GRIN2A: variants seen among roughly 807,000 people sequenced by gnomAD.
GRIN2A encodes the protein glutamate receptor ionotropic, NMDA 2A.
A neutral mutation model predicts 113.4 loss-of-function variants in GRIN2A; 22 were observed. That is an observed-to-expected ratio of 0.19 (90% confidence interval 0.14 to 0.28). The LOEUF (loss-of-function observed/expected upper bound fraction) is 0.28, where lower values mean the gene tolerates loss of function less well. Ranked by LOEUF, GRIN2A falls within the 10% of genes least tolerant of loss-of-function variation. The pLI is 1.00. For synonymous variants in GRIN2A, 827 were observed against 738.4 expected (o/e 1.12, Z -1.94); for missense variants, 1,502 against 1,887.0 (o/e 0.80, Z 3.78).
Position 9,757,901 on chromosome 16 carries a change from C to T in GRIN2A, c.*5248G>A, listed in dbSNP as rs1451890952. ...ACAAAAAACAAAACAAAACAAAAACCAGGGCAGCCTTATGGGGATCTCTGG... is the reference window on the plus strand; with the variant it reads ...ACAAAAAACAAAACAAAACAAAAACTAGGGCAGCCTTATGGGGATCTCTGG... On this transcript the variant is annotated 3_prime_UTR_variant, in exon 13 of 13. Transcript: ENST00000330684. 8.9e-6 allele frequency: 2 copies of T among 225,336 alleles called. No homozygotes were observed. The highest frequency in any genetic ancestry group is 1.8e-5 in the Non-Finnish European group (2 of 112,924). 14.0% of individuals were successfully genotyped at this position (225,336 alleles called of 1,614,324 possible).
At chr16:10,151,603 A>G (rs1483382047) in intron 2 of GRIN2A, among the ~76,000 whole-genome samples, 1 of 152,228 alleles carries the variant, frequency 6.6e-6, no homozygotes, top group South Asian at 2.1e-4. Context: ...CTTGACCAAC[A>G]TCAGATTCAA....
intron 2 of GRIN2A, among the ~76,000 whole-genome samples, chr16:10,167,954 G>A (rs2049960049): frequency 1.3e-5 from 2 of 152,242 alleles, no homozygotes; most frequent in South Asian, 2.1e-4. Flanking sequence ...AGAATAATTT[G>A]TCAACTGAAA....
At chr16:9,863,470 C>A (rs753985165) in intron 4 of GRIN2A, among the ~76,000 whole-genome samples, 3 of 152,146 alleles carry the variant, frequency 2.0e-5, no homozygotes, top group South Asian at 2.1e-4. Context: ...CCTTGAATTC[C>A]ACCACAGAAA....
chr16:10,033,012 C>T (rs1212094139), intron 2 of GRIN2A, among the ~76,000 whole-genome samples: 1 of 152,140 alleles, frequency 6.6e-6, no homozygotes, highest in Non-Finnish European at 1.5e-5. Flanking sequence ...CCTAGGATAC[C>T]ACAGGTGCCC....
intron 4 of GRIN2A, among the ~76,000 whole-genome samples, chr16:9,882,005 G>T (rs1263144832): frequency 6.6e-6 from 1 of 152,014 alleles, no homozygotes; most frequent in Non-Finnish European, 1.5e-5. Context: ...CCATCCTCTG[G>T]CTGGATGAAC....
intron 2 of GRIN2A, among the ~76,000 whole-genome samples, chr16:10,089,240 C>T (rs9926054): frequency 0.015 from 2,217 of 152,180 alleles, 51 homozygotes; most frequent in African/African-American, 0.05. Flanking sequence ...TGATGATCCC[C>T]GAGGAGAAAT....
intron 11 of GRIN2A, among the ~76,000 whole-genome samples, chr16:9,778,929 C>T (rs934669541): frequency 5.9e-5 from 9 of 152,152 alleles, no homozygotes; most frequent in Non-Finnish European, 8.8e-5. Context: ...TTCAATACAC[C>T]ACCATATAGA....
At chr16:10,120,752 G>T (rs1217094430) in intron 2 of GRIN2A, among the ~76,000 whole-genome samples, 1 of 152,064 alleles carries the variant, frequency 6.6e-6, no homozygotes, top group Non-Finnish European at 1.5e-5. Context: ...CAAGGAAAGA[G>T]ACCCACTCCA....
At chr16:9,775,814 CCT>C (rs1191335472) in intron 11 of GRIN2A, among the ~76,000 whole-genome samples, 2 of 152,176 alleles carry the variant, frequency 1.3e-5, no homozygotes, top group Non-Finnish European at 2.9e-5. Flanking sequence ...GTCATGGCCC[CCT>C]GATTGGAAAT....
At chr16:9,878,159 A>G (rs2043409036) in intron 4 of GRIN2A, among the ~76,000 whole-genome samples, 1 of 152,084 alleles carries the variant, frequency 6.6e-6, no homozygotes, top group African/African-American at 2.4e-5. Flanking sequence ...TGCTCCCATC[A>G]CCCTCAGAGA....
chr16:9,882,196 T>TA (rs1176280227), intron 4 of GRIN2A, among the ~76,000 whole-genome samples: 1 of 152,196 alleles, frequency 6.6e-6, no homozygotes, highest in East Asian at 1.9e-4. Flanking sequence ...GAGAGGGAGC[T>TA]AAAATACAAT....
chr16:10,056,997 C>T (rs1286350288), intron 2 of GRIN2A, among the ~76,000 whole-genome samples: 1 of 152,028 alleles, frequency 6.6e-6, no homozygotes, highest in East Asian at 1.9e-4. Flanking sequence ...CTCAACTATA[C>T]AACCCTCCAC....
intron 2 of GRIN2A, among the ~76,000 whole-genome samples, chr16:9,981,422 A>C (rs1369062896): frequency 2.6e-5 from 4 of 152,260 alleles, no homozygotes; most frequent in African/African-American, 4.8e-5. Context: ...CATAGAAAAC[A>C]GAAAAAATAG....
At chr16:9,869,600 T>C (rs1293955066) in intron 4 of GRIN2A, among the ~76,000 whole-genome samples, 1 of 152,210 alleles carries the variant, frequency 6.6e-6, no homozygotes, top group African/African-American at 2.4e-5. Context: ...TCCCAGCTCT[T>C]CTGCTTACCA....
chr16:10,108,506 G>C (rs1259772993), intron 2 of GRIN2A, among the ~76,000 whole-genome samples: 1 of 152,180 alleles, frequency 6.6e-6, no homozygotes, highest in Non-Finnish European at 1.5e-5. Context: ...CAGCTGACAG[G>C]TAACAGAGCC....
At chr16:9,936,824 A>T (rs1019135638) in intron 3 of GRIN2A, among the ~76,000 whole-genome samples, 1 of 152,222 alleles carries the variant, frequency 6.6e-6, no homozygotes, top group African/African-American at 2.4e-5. Context: ...TAGTGTGGGA[A>T]GTTTCCCCAA....
At chr16:10,072,632 C>T (rs1283331318) in intron 2 of GRIN2A, among the ~76,000 whole-genome samples, 1 of 152,134 alleles carries the variant, frequency 6.6e-6, no homozygotes, top group Admixed American at 6.5e-5. Flanking sequence ...GGTGGGTAGG[C>T]TTCTAGAATA....
At chr16:9,803,810 C>A (rs897679254) in intron 10 of GRIN2A, among the ~76,000 whole-genome samples, 1 of 152,182 alleles carries the variant, frequency 6.6e-6, no homozygotes, top group East Asian at 1.9e-4. Context: ...CACCAAAGAC[C>A]ACTGACATAA....
chr16:9,802,350 T>C (rs550857817), intron 10 of GRIN2A, among the ~76,000 whole-genome samples: 31 of 152,274 alleles, frequency 2.0e-4, no homozygotes, highest in African/African-American at 5.5e-4. Context: ...TGGAATACTA[T>C]GCAGCCATGA....
Sources: gnomAD v4.1 joint callset for allele counts (sites outside exome capture counted in the v4.1 genomes callset) on GRCh38, gnomAD v4.1.1 for gene constraint, MANE v1.5 for transcripts, NCBI Gene and HGNC (gene_info 2026-07-23, HGNC 2026-07-21) for gene names.